The following CDCP1 variants were observed in gnomAD, a reference collection of about 807,000 sequenced individuals.
CDCP1 encodes the protein CUB domain containing protein 1.
Under a neutral mutation model 60.2 loss-of-function variants are expected in CDCP1, and 29 were observed. The observed-to-expected ratio is 0.48, with a 90% CI of 0.36 to 0.66. CDCP1 has a LOEUF of 0.66. Among genes scored for constraint, CDCP1 ranks in the 30% least tolerant of loss-of-function variants. The pLI, the probability that CDCP1 is intolerant of heterozygous loss-of-function variation, is 0.00. For missense variants in CDCP1, 876 were observed against 1,074.3 expected (o/e 0.82, Z 2.58); for synonymous variants, 387 against 431.1 (o/e 0.90, Z 1.27).
chr3:45,126,104 C>CTT (rs1553610956), intron 1 of CDCP1, among the ~76,000 whole-genome samples: 3 of 99,158 alleles, frequency 3.0e-5, no homozygotes, highest in East Asian at 3.4e-4. Flanking sequence ...TTCTTTGTCT[C>CTT]TCTCTCTTTC....
chr3:45,146,420 C>T (rs1288556484), upstream of CDCP1: 5 of 664,572 alleles, frequency 7.5e-6, no homozygotes, highest in Non-Finnish European at 2.4e-6. Context: ...CCGAGCCCCG[C>T]CCTGCGCAGC....
At chr3:45,115,852 T>C (rs1553610200) in intron 2 of CDCP1, among the ~76,000 whole-genome samples, 1 of 152,142 alleles carries the variant, frequency 6.6e-6, no homozygotes. Flanking sequence ...TACAGGCACA[T>C]GCCACCACGC....
chr3:45,087,655 A>G (rs1166519592), intron 8 of CDCP1, among the ~76,000 whole-genome samples: 1 of 152,156 alleles, frequency 6.6e-6, no homozygotes, highest in African/African-American at 2.4e-5. Context: ...ATCAGCAGAG[A>G]CATTTGTAGA....
chr3:45,110,396 GCCTCA>G, intron 4 of CDCP1, 72 bp downstream of exon 4: 3 of 1,546,994 alleles, frequency 1.9e-6, no homozygotes, highest in Middle Eastern at 4.4e-4. Flanking sequence ...CAGGAAGGGA[GCCTCA>G]CCCAGGCAGA....
chr3:45,143,681 C>G (rs983769967), intron 1 of CDCP1, among the ~76,000 whole-genome samples: 1 of 152,166 alleles, frequency 6.6e-6, no homozygotes, highest in African/African-American at 2.4e-5. Context: ...TATTAACTTC[C>G]TTCCCCCATA....
intron 1 of CDCP1, among the ~76,000 whole-genome samples, chr3:45,126,115 T>C (rs868469544): frequency 2.6e-5 from 3 of 113,894 alleles, no homozygotes; most frequent in East Asian, 5.1e-4. Flanking sequence ...TCTCTCTTTC[T>C]TTCTTTCTTT....
chr3:45,112,793 T>C (rs1458778452), intron 2 of CDCP1, among the ~76,000 whole-genome samples: 1 of 152,234 alleles, frequency 6.6e-6, no homozygotes, highest in Non-Finnish European at 1.5e-5. Flanking sequence ...TCAAGTGATG[T>C]AACCTGGGTA....
At chr3:45,126,251 TTC>T (rs140448669) in intron 1 of CDCP1, among the ~76,000 whole-genome samples, 22 of 143,058 alleles carry the variant, frequency 1.5e-4, no homozygotes, top group Middle Eastern at 3.3e-3. Flanking sequence ...TCCTTCCTTC[TTC>T]TCTCTCTCTC....
intron 1 of CDCP1, among the ~76,000 whole-genome samples, chr3:45,120,897 C>A (rs749839406): frequency 1.0e-4 from 7 of 68,428 alleles, no homozygotes; most frequent in Non-Finnish European, 1.4e-4. Context: ...ACCAGCCCAC[C>A]TAAAGTGCTC....
At chr3:45,116,053 T>C (rs1032912090) in intron 2 of CDCP1, among the ~76,000 whole-genome samples, 9 of 151,774 alleles carry the variant, frequency 5.9e-5, no homozygotes, top group African/African-American at 1.9e-4. Context: ...AGGGCATGCA[T>C]AATAAGCCTC....
intron 4 of CDCP1, among the ~76,000 whole-genome samples, chr3:45,103,557 T>C (rs909625443): frequency 2.0e-5 from 3 of 152,208 alleles, no homozygotes; most frequent in Admixed American, 1.3e-4. Flanking sequence ...CAAATTCATA[T>C]TGAGGTGTGG....
In CDCP1 at chr3:45,112,186, G is replaced by A. The variant is rs767815632; in HGVS notation, c.552C>T (p.Ser184=). 1.2e-6 allele frequency: 2 copies of A among 1,614,000 alleles called. No individual in the cohort carries two copies. The highest frequency in any genetic ancestry group is 1.7e-6 in the Non-Finnish European group (2 of 1,180,028). ...TCACTCCTTCTTGCATCTTGATCCG[G>A]GACACAGTGCCATTGCTGCAGAAGG... The part of the protein sequence containing the change: ...IGTFCSNGTV[S]RIKMQEGVKM... Residue 184 remains serine, a synonymous_variant, in exon 3 of 9, where the codon TCC becomes TCT. Transcript: ENST00000296129.
intron 8 of CDCP1, among the ~76,000 whole-genome samples, chr3:45,087,970 C>T (rs991488892): frequency 1.4e-4 from 21 of 151,502 alleles, no homozygotes; most frequent in East Asian, 3.9e-4. Context: ...TGCGGTGAGC[C>T]GAGATCGCGC....
Position 45,126,108 on chromosome 3 carries a change from C to CTCTTTCTTTCCTTCTTTCTTTCTTTCTT in CDCP1, c.83-7488_83-7487insAAGAAAGAAAGAAAGAAGGAAAGAAAGA, listed in dbSNP as rs1553610966. Among the ~76,000 whole-genome samples, 109 of 110,082 alleles carry CTCTTTCTTTCCTTCTTTCTTTCTTTCTT rather than the reference C, an allele frequency of 9.9e-4. 7 individuals are homozygous for CTCTTTCTTTCCTTCTTTCTTTCTTTCTT. Among genetic ancestry groups the CTCTTTCTTTCCTTCTTTCTTTCTTTCTT allele is most frequent in the Admixed American group, 1.7e-3 (18 of 10,356 alleles). 72.2% of individuals were successfully genotyped at this position (110,082 alleles called of 152,430 possible). On this transcript the variant is annotated intron_variant, in intron 1 of 8. Coordinates refer to ENST00000296129, the MANE Select transcript of CDCP1 (RefSeq NM_022842.5). ...AACTGCTGCCATTCTTTGTCTCTCT[C>CTCTTTCTTTCCTTCTTTCTTTCTTTCTT]TCTTTCTTTCTTTCTTTCTTTCTTT...
At chr3:45,138,726 G>A (rs1215676345) in intron 1 of CDCP1, among the ~76,000 whole-genome samples, 3 of 152,148 alleles carry the variant, frequency 2.0e-5, no homozygotes, top group African/African-American at 7.2e-5. Flanking sequence ...GCAGGCGCCT[G>A]TAATCCCAAC....
At chr3:45,117,787 G>A (rs1698819084) in intron 2 of CDCP1, among the ~76,000 whole-genome samples, 1 of 151,998 alleles carries the variant, frequency 6.6e-6, no homozygotes, top group South Asian at 2.1e-4. Context: ...AGTAGAGACA[G>A]GGTTTCACCA....
chr3:45,117,742 A>G (rs1576104221), intron 2 of CDCP1, among the ~76,000 whole-genome samples: 1 of 152,200 alleles, frequency 6.6e-6, no homozygotes, highest in East Asian at 1.9e-4. Context: ...GATTACAGGC[A>G]CCTGCCACCA....
chr3:45,126,112 T>TTCTTTCTTTCTC lies in CDCP1; in HGVS notation c.83-7492_83-7491insGAGAAAGAAAGA, dbSNP rs1223530486. ...GCTGCCATTCTTTGTCTCTCTCTCT[T>TTCTTTCTTTCTC]TCTTTCTTTCTTTCTTTCTTTCTTT... On this transcript the variant is annotated intron_variant, in intron 1 of 8. Coordinates refer to ENST00000296129, the MANE Select transcript of CDCP1 (RefSeq NM_022842.5). Among the ~76,000 whole-genome samples, 116 of 63,030 alleles carry TTCTTTCTTTCTC rather than the reference T, an allele frequency of 1.8e-3. No individual in the cohort carries two copies. In the East Asian group the frequency reaches 0.03, roughly 17 times the overall value. The allele number at this position is 63,030 out of a possible 152,430, so 41.4% of individuals were successfully genotyped here. A position where few individuals can be genotyped will look rare whatever the true frequency, so the allele number is the denominator to read the frequency against.
intron 4 of CDCP1, 55 bp downstream of exon 4, chr3:45,110,418 A>G: frequency 1.3e-6 from 2 of 1,590,646 alleles, no homozygotes; most frequent in Non-Finnish European, 1.7e-6. Flanking sequence ...CAGACTACCC[A>G]GGAAACAACG....
Sources: gnomAD v4.1 joint callset for allele counts (sites outside exome capture counted in the v4.1 genomes callset) on GRCh38, gnomAD v4.1.1 for gene constraint, MANE v1.5 for transcripts, NCBI Gene and HGNC (gene_info 2026-07-23, HGNC 2026-07-21) for gene names.